SLC28A3: variants seen among roughly 807,000 people sequenced by gnomAD.
SLC28A3 encodes solute carrier family 28 member 3, also known as concentrative Na(+)-nucleoside cotransporter 3.
In SLC28A3, 68 loss-of-function variants were observed where a neutral mutation model predicts 84.2. That is an observed-to-expected ratio of 0.81 (90% CI 0.66 to 0.99). SLC28A3 has a LOEUF of 0.99. SLC28A3 is among the 50% of genes least tolerant of loss of function. The pLI, the probability that SLC28A3 is intolerant of heterozygous loss-of-function variation, is 0.00. For synonymous variants in SLC28A3, 267 were observed against 303.6 expected (o/e 0.88, Z 1.25); for missense variants, 712 against 841.5 (o/e 0.85, Z 1.90).
chr9:84,289,167 C>G (rs576131347), intron 11 of SLC28A3, among the ~76,000 whole-genome samples: 1 of 152,280 alleles, frequency 6.6e-6, no homozygotes, highest in East Asian at 1.9e-4. Flanking sequence ...TTTGAGGCAG[C>G]ATTTCTACAG....
At chr9:84,355,175 A>T in the SLC28A3 span, among the ~76,000 whole-genome samples, 1 of 152,062 alleles carries the variant, frequency 6.6e-6, no homozygotes, top group Admixed American at 6.6e-5. Flanking sequence ...GCCACAGGGG[A>T]AACAGTAAAA....
the SLC28A3 span, among the ~76,000 whole-genome samples, chr9:84,362,970 T>A: frequency 6.6e-6 from 1 of 152,200 alleles, no homozygotes; most frequent in African/African-American, 2.4e-5. Flanking sequence ...AAAATATTTT[T>A]GGATGTCTGG....
Position 84,279,278 on chromosome 9 carries a change from T to G in SLC28A3, c.1936A>C (p.Ser646Arg). ...NTTKVIACCQ[S>R]LLSSTVAKGP... ...AGAATACAATACCTGCTCAACAGAC[T>G]TTGGCAACAAGCTATCACCTTGGTT... The change falls in exon 17 of 18, where the codon AGT (serine) becomes CGT (arginine). Residue 646 changes from serine (S) to arginine (R), a missense_variant. Transcript: ENST00000376238. The G allele has an allele frequency of 6.2e-7, 1 of 1,610,564 alleles. No homozygotes were observed. Among genetic ancestry groups the G allele is most frequent in the Non-Finnish European group, 8.5e-7 (1 of 1,178,684 alleles).
At chr9:84,354,616 G>A in the SLC28A3 span, among the ~76,000 whole-genome samples, 1 of 152,244 alleles carries the variant, frequency 6.6e-6, no homozygotes, top group Admixed American at 6.5e-5. Context: ...AGGAGGCTGC[G>A]GCAGGCAGAT....
At chr9:84,365,939 A>G in the SLC28A3 span, among the ~76,000 whole-genome samples, 994 of 152,226 alleles carry the variant, frequency 6.5e-3, 10 homozygotes, top group African/African-American at 0.023. Flanking sequence ...AATCCCAGCT[A>G]CTTGGGAGGC....
intron 3 of SLC28A3, 57 bp downstream of exon 3, chr9:84,309,572 A>T: frequency 7.9e-7 from 1 of 1,266,400 alleles, no homozygotes; most frequent in Non-Finnish European, 1.1e-6. Context: ...GATAAAACAA[A>T]GTAATAAAAC....
chr9:84,347,106 C>T, the SLC28A3 span, among the ~76,000 whole-genome samples: 2 of 149,324 alleles, frequency 1.3e-5, no homozygotes, highest in Non-Finnish European at 3.0e-5. Context: ...AACCCAGGAG[C>T]ACAGTTGCAG....
intron 1 of SLC28A3, among the ~76,000 whole-genome samples, chr9:84,326,359 T>C (rs1346606978): frequency 2.0e-5 from 3 of 152,042 alleles, no homozygotes; most frequent in Non-Finnish European, 4.4e-5. Flanking sequence ...CTGGAGCCTA[T>C]TGGTACCAAG....
chr9:84,280,185 T>TTC (rs1369127268), intron 15 of SLC28A3, 112 bp from the exon 16 acceptor site: 14 of 894,586 alleles, frequency 1.6e-5, no homozygotes, highest in Non-Finnish European at 2.1e-5. Flanking sequence ...TTTTTTTTTT[T>TTC]TTTCTTTAAC....
chr9:84,289,838 A>G lies in SLC28A3; in HGVS notation c.1149+316T>C, dbSNP rs554515954. ...GCCATAGTTTACTGACTCCCAGTCC[A>G]GATCACCTTGACTGATGTAATAATT... is the stretch of plus-strand genomic sequence containing the variant. On this transcript the variant is annotated intron_variant, in intron 11 of 17. Coordinates refer to ENST00000376238, the MANE Select transcript of SLC28A3 (RefSeq NM_001199633.2). 3.3e-5 allele frequency: 7 copies of G among 211,272 alleles called. No homozygotes were observed. In the East Asian group the frequency reaches 7.6e-4, roughly 23 times the overall value. 13.1% of individuals were successfully genotyped at this position (211,272 alleles called of 1,614,324 possible).
intron 1 of SLC28A3, among the ~76,000 whole-genome samples, chr9:84,317,692 T>C (rs980238371): frequency 6.6e-6 from 1 of 152,208 alleles, no homozygotes; most frequent in Non-Finnish European, 1.5e-5. Context: ...TGAGTGGTCT[T>C]GCACTCATTC....
intron 1 of SLC28A3, among the ~76,000 whole-genome samples, chr9:84,316,887 G>A (rs1318322792): frequency 6.6e-6 from 1 of 152,134 alleles, no homozygotes. Flanking sequence ...TGTAGTCCCA[G>A]CTACTTGGGA....
chr9:84,326,221 A>G (rs1826542988), intron 1 of SLC28A3, among the ~76,000 whole-genome samples: 1 of 152,062 alleles, frequency 6.6e-6, no homozygotes, highest in Non-Finnish European at 1.5e-5. Context: ...CTCAGGAAGC[A>G]TCCATGGCCC....
intron 2 of SLC28A3, 64 bp downstream of exon 2, chr9:84,313,295 C>T: frequency 2.1e-6 from 3 of 1,437,392 alleles, no homozygotes; most frequent in South Asian, 1.2e-5. Flanking sequence ...GCCCACTGTT[C>T]TCAGGTGCCT....
chr9:84,355,904 C>G, the SLC28A3 span, among the ~76,000 whole-genome samples: 18 of 152,218 alleles, frequency 1.2e-4, no homozygotes, highest in East Asian at 3.3e-3. Context: ...GCCTTGACCT[C>G]CCTGGTCTCA....
chr9:84,334,328 G>A (rs1826894244), intron 1 of SLC28A3, among the ~76,000 whole-genome samples: 1 of 152,158 alleles, frequency 6.6e-6, no homozygotes, highest in Non-Finnish European at 1.5e-5. Context: ...TTCAATATAA[G>A]CAAAGAATAC....
chr9:84,283,078 G>A (rs1824821521), intron 14 of SLC28A3, among the ~76,000 whole-genome samples: 1 of 152,234 alleles, frequency 6.6e-6, no homozygotes, highest in Non-Finnish European at 1.5e-5. Context: ...TTAAGAGATT[G>A]TGGGGAGAAA....
In SLC28A3 at chr9:84,276,880, C is replaced by T. The variant is rs2117997767; in HGVS notation, c.*1338G>A. 1 of 152,318 alleles carries T rather than the reference C, an allele frequency of 6.6e-6. No homozygotes were observed. The highest frequency in any genetic ancestry group is 1.9e-4 in the East Asian group (1 of 5,186). The allele number at this position is 152,318 out of a possible 1,614,324, so 9.4% of individuals were successfully genotyped here. A position where few individuals can be genotyped will look rare whatever the true frequency, so the allele number is the denominator to read the frequency against. On this transcript the variant is annotated 3_prime_UTR_variant, in exon 18 of 18. Transcript: ENST00000376238. ...GGTATTTCAAAACCTTTTTCACATT[C>T]AGTGTCTGTTTCTTGACTTGGTAAT... is the stretch of plus-strand genomic sequence containing the variant.
At chr9:84,317,369 C>T (rs1826207061) in intron 1 of SLC28A3, among the ~76,000 whole-genome samples, 1 of 152,192 alleles carries the variant, frequency 6.6e-6, no homozygotes, top group Non-Finnish European at 1.5e-5. Context: ...CCACTTTTAG[C>T]TACACCTAGG....
Sources: allele counts gnomAD v4.1 joint callset (sites outside exome capture counted in the v4.1 genomes callset), GRCh38; gene constraint gnomAD v4.1.1; transcripts MANE v1.5; gene names NCBI Gene and HGNC (gene_info 2026-07-23, HGNC 2026-07-21).